NYNRIN: variants seen among roughly 807,000 people sequenced by gnomAD.
NYNRIN encodes protein NYNRIN.
In NYNRIN, 86 loss-of-function variants were observed where a neutral mutation model predicts 146.6. The observed-to-expected ratio is 0.59, with a 90% CI of 0.49 to 0.70. NYNRIN has a LOEUF of 0.70. Among genes scored for constraint, NYNRIN ranks in the 30% least tolerant of loss-of-function variants. The probability of loss-of-function intolerance (pLI) is 0.00; values close to 1 mark genes in which losing one functional copy is unlikely to be tolerated. For missense variants in NYNRIN, 2,191 were observed against 2,377.7 expected (o/e 0.92, Z 1.63); for synonymous variants, 1,027 against 1,001.3 (o/e 1.03, Z -0.48).
Position 24,408,078 on chromosome 14 carries a change from G to A in NYNRIN, c.408G>A (p.Glu136=). ...TCATGACACAGAACTGGCTGGAGGA[G>A]CTGGTGGGGCGACTGCGCTGGGGCC... is the stretch of plus-strand genomic sequence containing the variant. ...SFIMTQNWLE[E]LVGRLRWGPA... is the part of the protein sequence containing the mutation. The change falls in exon 3 of 9, where the codon GAG becomes GAA. Residue 136 remains glutamate, a synonymous_variant. Coordinates refer to ENST00000382554, the MANE Select transcript of NYNRIN (RefSeq NM_025081.3). The A allele has an allele frequency of 6.2e-7, 1 of 1,613,646 alleles. No homozygotes were observed. Among genetic ancestry groups the A allele is most frequent in the Non-Finnish European group, 8.5e-7 (1 of 1,179,858 alleles).
rs772328590 is a variant in NYNRIN, at chr14:24,414,652, C to T, written c.2903C>T (p.Ser968Leu). 19 of 1,613,650 alleles carry T rather than the reference C, an allele frequency of 1.2e-5. No homozygotes were observed. Among genetic ancestry groups the T allele is most frequent in the South Asian group, 3.3e-5 (3 of 91,046 alleles). Residue 968 changes from serine to leucine, a missense_variant, in exon 9 of 9, where the codon TCA becomes TTA. Around this residue, in one of 3 missense-constraint regions of NYNRIN, gnomAD observed 1,291 missense variants for 1,417.0 expected, o/e 0.91. Coordinates refer to ENST00000382554, the MANE Select transcript of NYNRIN (RefSeq NM_025081.3). ...GTGTGGAAGACCCTTCCTCCCAGCT[C>T]AGCCAGTGTCACTGAGCTGAGTGAT... ...LKVWKTLPPS[S>L]ASVTELSDDA...
Position 24,413,023 on chromosome 14 carries a change from C to A in NYNRIN, c.2669C>A (p.Thr890Lys). ...TTCATGGTAAAGCTGGCAGAGGAGA[C>A]AGATGGCATCATTGTCACCAATGAG... ...YRFMVKLAEETDGIIVTNEQI... is the reference protein window; with the variant it reads ...YRFMVKLAEEKDGIIVTNEQI... The change falls in exon 7 of 9, where the codon ACA becomes AAA. Residue 890 changes from threonine (T) to lysine (K), a missense_variant. Transcript: ENST00000382554. The A allele has an allele frequency of 6.2e-7, 1 of 1,600,630 alleles. No individual in the cohort carries two copies. The highest frequency in any genetic ancestry group is 8.5e-7 in the Non-Finnish European group (1 of 1,173,548).
In NYNRIN at chr14:24,411,435, C is replaced by T; in HGVS notation, c.2627C>T (p.Thr876Ile). Residue 876 changes from threonine (T) to isoleucine (I), a missense_variant, in exon 6 of 9, where the codon ACC becomes ATC. Thr to Ile is a moderately conservative substitution (Grantham distance 89). Transcript: ENST00000382554. This position sits in a 1 kb window ranked among gnomAD's most constrained non-coding sequence, Gnocchi z 4.3. ...PSQLENGKKI[T>I]TYDYRFMVKL... ...CAGCTTGAGAATGGCAAGAAGATCA[C>T]CACCTACGATTATAGGTGTGCCGGT... The T allele has an allele frequency of 6.2e-7, 1 of 1,613,938 alleles. No individual in the cohort carries two copies. Among genetic ancestry groups the T allele is most frequent in the Non-Finnish European group, 8.5e-7 (1 of 1,179,814 alleles).
chr14:24,406,776 C>T (rs961585279), intron 2 of NYNRIN, among the ~76,000 whole-genome samples: 2 of 152,138 alleles, frequency 1.3e-5, no homozygotes, highest in African/African-American at 4.8e-5. Context: ...GGCATGGGGG[C>T]ATATGAAGTC....
chr14:24,413,536 T>G, intron 8 of NYNRIN, 119 bp downstream of exon 8: 1 of 649,766 alleles, frequency 1.5e-6, no homozygotes. Flanking sequence ...CTTTTTCATG[T>G]CTTTATACTT....
In NYNRIN at chr14:24,409,687, T is replaced by C. The variant is rs1246301847; in HGVS notation, c.1893T>C (p.Pro631=). ...AAACTCCCCAGGCTCAGAAGATGCC[T>C]GTAGCAAAAACATCACCTGCAGGTC... ...TPKTPQAQKM[P]VAKTSPAGPK... The change falls in exon 4 of 9, where the codon CCT becomes CCC. Residue 631 remains proline, a synonymous_variant. Coordinates refer to ENST00000382554, the MANE Select transcript of NYNRIN (RefSeq NM_025081.3). The C allele has an allele frequency of 6.2e-7, 1 of 1,606,292 alleles. No homozygotes were observed. Among genetic ancestry groups the C allele is most frequent in the South Asian group, 1.1e-5 (1 of 89,618 alleles).
chr14:24,402,573 A>G (rs1452638106), intron 2 of NYNRIN, among the ~76,000 whole-genome samples: 1 of 152,072 alleles, frequency 6.6e-6, no homozygotes, highest in Non-Finnish European at 1.5e-5. Context: ...GTACCCTGAG[A>G]GTTGGTTGCG....
intron 2 of NYNRIN, among the ~76,000 whole-genome samples, chr14:24,406,419 C>CCA (rs970141149): frequency 1.3e-4 from 20 of 152,154 alleles, no homozygotes; most frequent in African/African-American, 4.3e-4. Context: ...CTGAGACAGC[C>CCA]CACACCTGCT....
In NYNRIN at chr14:24,415,610, C is replaced by T. The variant is rs566510965; in HGVS notation, c.3861C>T (p.Pro1287=). 8.3e-5 allele frequency: 134 copies of T among 1,613,988 alleles called. 2 individuals are homozygous for T. In the South Asian group the frequency reaches 9.3e-4, roughly 11 times the overall value. The change falls in exon 9 of 9, where the codon CCC becomes CCT. Residue 1287 remains proline (P), a synonymous_variant. Transcript: ENST00000382554. ...TGGGGGAGAACCGCCTGCTCACCCC[C>T]GCGGCCTCCATGCCTCGCTTCTTCC... ...GLLGENRLLT[P]AASMPRFFQV...
Position 24,411,120 on chromosome 14 carries a change from C to T in NYNRIN, c.2459C>T (p.Ala820Val). Residue 820 changes from alanine (A) to valine (V), a missense_variant, in exon 5 of 9, where the codon GCA (alanine) becomes GTA (valine). Ala to Val is a moderately conservative substitution (Grantham distance 64). Around this residue, in one of 3 missense-constraint regions of NYNRIN, gnomAD observed 1,291 missense variants for 1,417.0 expected, o/e 0.91. Coordinates refer to ENST00000382554, the MANE Select transcript of NYNRIN (RefSeq NM_025081.3). This position sits in a 1 kb window ranked among gnomAD's most constrained non-coding sequence, Gnocchi z 4.3. Reference sequence around the variant, plus strand: ...TTCTCCTGCCGAGGAATTGCCATGGCAGTGCAGTTTTTCTGGAACCGGGGA... The same window carrying T: ...TTCTCCTGCCGAGGAATTGCCATGGTAGTGCAGTTTTTCTGGAACCGGGGA... ...HFFSCRGIAM[A>V]VQFFWNRGHR... The T allele has an allele frequency of 6.2e-7, 1 of 1,613,400 alleles. No individual in the cohort carries two copies. Among genetic ancestry groups the T allele is most frequent in the Non-Finnish European group, 8.5e-7 (1 of 1,179,664 alleles).
rs1417150286 is a variant in NYNRIN, at chr14:24,409,601, G to A, written c.1807G>A (p.Ala603Thr). The change falls in exon 4 of 9, where the codon GCT becomes ACT. Residue 603 changes from alanine to threonine, a missense_variant. Physicochemically the swap from Ala to Thr is moderately conservative, Grantham distance 58. Coordinates refer to ENST00000382554, the MANE Select transcript of NYNRIN (RefSeq NM_025081.3). ...GCCAACAGCTCAACTGATGGCCACA[G>A]CTCAAAAAACAGTTGTGAATCAACC... ...TKPTAQLMAT[A>T]QKTVVNQPVL... 3 of 1,609,302 alleles carry A rather than the reference G, an allele frequency of 1.9e-6. No individual in the cohort carries two copies. Among genetic ancestry groups the A allele is most frequent in the Non-Finnish European group, 2.5e-6 (3 of 1,177,754 alleles).
chr14:24,406,905 C>T (rs1257427643), intron 2 of NYNRIN, among the ~76,000 whole-genome samples: 3 of 152,242 alleles, frequency 2.0e-5, no homozygotes, highest in Non-Finnish European at 1.5e-5. Flanking sequence ...AAGTGTGTGC[C>T]CTGTGAGCTC....
At chr14:24,412,061 G>A (rs868084174) in intron 6 of NYNRIN, among the ~76,000 whole-genome samples, 2 of 152,306 alleles carry the variant, frequency 1.3e-5, no homozygotes, top group Middle Eastern at 3.4e-3. Context: ...AGTTGATGCT[G>A]GGCGGACAGA....
At chr14:24,399,754 C>T (rs1266551593) in intron 2 of NYNRIN, among the ~76,000 whole-genome samples, 1 of 152,154 alleles carries the variant, frequency 6.6e-6, no homozygotes, top group Non-Finnish European at 1.5e-5. Flanking sequence ...TGGCCAGGGC[C>T]CCAGCATCAG....
intron 2 of NYNRIN, among the ~76,000 whole-genome samples, chr14:24,401,283 C>T (rs567806344): frequency 6.6e-6 from 1 of 152,330 alleles, no homozygotes; most frequent in South Asian, 2.1e-4. Context: ...CCTGTTCCTC[C>T]ACTCCCCCTT....
In NYNRIN at chr14:24,416,418, C is replaced by T. The variant is rs1159558262; in HGVS notation, c.4669C>T (p.Gln1557Ter). 1 of 1,613,018 alleles carries T rather than the reference C, an allele frequency of 6.2e-7. No homozygotes were observed. The highest frequency in any genetic ancestry group is 8.5e-7 in the Non-Finnish European group (1 of 1,179,464). ...GCATGACATTCCCTTGGGGGCCCAC[C>T]AGAGGCCCGAAGAGACCTACAAGAA... ...SVHDIPLGAHQRPEETYKKLR... is the reference protein window; with the variant it reads ...SVHDIPLGAH The change falls in exon 9 of 9, where the codon CAG becomes TAG. Residue 1557 changes from glutamine to a stop codon, truncating the protein, a stop_gained. Coordinates refer to ENST00000382554, the MANE Select transcript of NYNRIN (RefSeq NM_025081.3). LOFTEE classifies it high-confidence loss of function.
In NYNRIN at chr14:24,415,101, C is replaced by A; in HGVS notation, c.3352C>A (p.Leu1118Met). 6.2e-7 allele frequency: 1 copy of A among 1,609,082 alleles called. No individual in the cohort carries two copies. ...IPDYEALVGP[L>M]HSLLKQKPDW... ...TGACTATGAAGCCCTAGTGGGCCCCCTGCACAGCCTCCTCAAGCAGAAGCC... is the reference window on the plus strand; with the variant it reads ...TGACTATGAAGCCCTAGTGGGCCCCATGCACAGCCTCCTCAAGCAGAAGCC... The change falls in exon 9 of 9, where the codon CTG (leucine) becomes ATG (methionine). Residue 1118 changes from leucine to methionine, a missense_variant. Coordinates refer to ENST00000382554, the MANE Select transcript of NYNRIN (RefSeq NM_025081.3).
chr14:24,416,673 A>G lies in NYNRIN; in HGVS notation c.4924A>G (p.Asn1642Asp), dbSNP rs2042949863. The change falls in exon 9 of 9, where the codon AAC (asparagine) becomes GAC (aspartate). Residue 1642 changes from asparagine to aspartate, a missense_variant. Physicochemically the swap from Asn to Asp is conservative, Grantham distance 23. Transcript: ENST00000382554. The stretch of plus-strand genomic sequence containing the variant: ...GCATGTACTTATTGTGGCTGACCCA[A>G]ACACCAGGTGGGTGGAGGCATTCCC... ...HKHVLIVADP[N>D]TRWVEAFPLK... The G allele has an allele frequency of 1.2e-6, 2 of 1,613,896 alleles. No individual in the cohort carries two copies. Among genetic ancestry groups the G allele is most frequent in the Non-Finnish European group, 1.7e-6 (2 of 1,179,854 alleles).
chr14:24,401,763 G>T (rs1165173863), intron 2 of NYNRIN, among the ~76,000 whole-genome samples: 1 of 152,188 alleles, frequency 6.6e-6, no homozygotes, highest in Non-Finnish European at 1.5e-5. Context: ...GACTAGCTGC[G>T]TAACTTTGAG....
Sources: gnomAD v4.1 joint callset for allele counts (sites outside exome capture counted in the v4.1 genomes callset) on GRCh38, gnomAD v4.1.1 for gene constraint, gnomAD v4.1.1 regional missense constraint, Gnocchi (gnomAD v3.1) non-coding constraint, MANE v1.5 for transcripts, NCBI Gene and HGNC (gene_info 2026-07-23, HGNC 2026-07-21) for gene names.